GFRA2: variants seen among roughly 807,000 people sequenced by gnomAD.
GFRA2 encodes GDNF family receptor alpha 2, also known as GDNF family receptor alpha-2.
Under a neutral mutation model 48.3 loss-of-function variants are expected in GFRA2, and 17 were observed. That is an observed-to-expected ratio of 0.35 (90% CI 0.24 to 0.53). GFRA2 has a LOEUF of 0.53. GFRA2 is among the 20% of genes least tolerant of loss of function. The probability of loss-of-function intolerance (pLI) is 0.93; values close to 1 mark genes in which losing one functional copy is unlikely to be tolerated. For missense variants in GFRA2, 660 were observed against 637.3 expected, an observed-to-expected ratio of 1.04 and a Z score of -0.38; for synonymous variants, 305 against 257.2, an observed-to-expected ratio of 1.19 and a Z score of -1.78.
intron 2 of GFRA2, among the ~76,000 whole-genome samples, chr8:21,804,397 G>C (rs1807823193): frequency 6.7e-6 from 1 of 149,002 alleles, no homozygotes; most frequent in South Asian, 2.1e-4. Flanking sequence ...TTATAGAAAA[G>C]AGTTTTGTCA....
chr8:21,784,316 C>T, intron 1 of GFRA2: 1 of 456,260 alleles, frequency 2.2e-6, no homozygotes, highest in South Asian at 1.5e-5. Flanking sequence ...CGCACCATGG[C>T]CCAGAGCCAT....
At chr8:21,730,810 G>A (rs574323517) in intron 4 of GFRA2, among the ~76,000 whole-genome samples, 2 of 152,136 alleles carry the variant, frequency 1.3e-5, no homozygotes, top group East Asian at 1.9e-4. Context: ...TCCTCAAATC[G>A]TATCTTCCCT....
At chr8:21,697,494 C>T (rs1392644911) in intron 7 of GFRA2, among the ~76,000 whole-genome samples, 1 of 151,982 alleles carries the variant, frequency 6.6e-6, no homozygotes, top group Non-Finnish European at 1.5e-5. Flanking sequence ...GGGAGTGTTG[C>T]CCAGCAGCTG....
Position 21,788,155 on chromosome 8 carries a change from A to T in GFRA2, c.5T>A (p.Ile2Asn). 1 of 1,603,148 alleles carries T rather than the reference A, an allele frequency of 6.2e-7. No homozygotes were observed. Among genetic ancestry groups the T allele is most frequent in the South Asian group, 1.1e-5 (1 of 89,466 alleles). MILANVFCLFFF... is the reference protein window; with the variant it reads MNLANVFCLFFF... Reference sequence around the variant, plus strand: ...GAAGAGGCAGAAGACGTTTGCCAAGATCATGTTAAATAAATCCCACCGTTT... The same window carrying T: ...GAAGAGGCAGAAGACGTTTGCCAAGTTCATGTTAAATAAATCCCACCGTTT... Residue 2 changes from isoleucine to asparagine, a missense_variant, in exon 1 of 9, where the codon ATC becomes AAC. Transcript: ENST00000524240.
intron 3 of GFRA2, among the ~76,000 whole-genome samples, chr8:21,754,505 C>CGT (rs1554493316): frequency 8.2e-6 from 1 of 121,228 alleles, no homozygotes; most frequent in Non-Finnish European, 1.7e-5. Flanking sequence ...CTTTTTTTTT[C>CGT]TTTTTTTTTT....
intron 1 of GFRA2, among the ~76,000 whole-genome samples, chr8:21,811,260 GCAT>G (rs1807975651): frequency 6.6e-6 from 1 of 152,126 alleles, no homozygotes; most frequent in African/African-American, 2.4e-5. Context: ...TCCCGGTGAG[GCAT>G]CCTCACAGCG....
chr8:21,788,569 G>A lies in GFRA2; in HGVS notation c.-410C>T. 1 of 1,006,780 alleles carries A rather than the reference G, an allele frequency of 9.9e-7. No homozygotes were observed. The highest frequency in any genetic ancestry group is 1.2e-6 in the Non-Finnish European group (1 of 844,708). 62.4% of individuals were successfully genotyped at this position (1,006,780 alleles called of 1,614,324 possible). On this transcript the variant is annotated 5_prime_UTR_variant, in exon 1 of 9. Transcript: ENST00000524240. Reference sequence around the variant, plus strand: ...GGAGAGAGGCGATTTGCGAGTGAAGGGCTGGAAGGAAGCGGCGAGGGAGGG... The same window carrying A: ...GGAGAGAGGCGATTTGCGAGTGAAGAGCTGGAAGGAAGCGGCGAGGGAGGG...
intron 7 of GFRA2, among the ~76,000 whole-genome samples, chr8:21,698,579 C>T (rs1383216941): frequency 2.6e-5 from 4 of 152,146 alleles, no homozygotes; most frequent in Admixed American, 1.3e-4. Flanking sequence ...TGGCCCCGCC[C>T]CTAAATCTCA....
chr8:21,775,072 G>A lies in GFRA2; in HGVS notation c.356-17C>T. On this transcript the variant is annotated splice_polypyrimidine_tract_variant and intron_variant, in intron 2 of 8. Coordinates refer to ENST00000524240, the MANE Select transcript of GFRA2 (RefSeq NM_001495.5). ...ACTCCTCACCTGGAAGACAGAACAG[G>A]CATCAGATGCGGGCTCCTCCGGGCC... 5.1e-6 allele frequency: 7 copies of A among 1,382,430 alleles called. No homozygotes were observed. Among genetic ancestry groups the A allele is most frequent in the South Asian group, 1.2e-5 (1 of 86,184 alleles). The allele number at this position is 1,382,430 out of a possible 1,614,324, so 85.6% of individuals were successfully genotyped here. A position where few individuals can be genotyped will look rare whatever the true frequency, so the allele number is the denominator to read the frequency against.
chr8:21,712,446 G>C (rs1381769879), intron 4 of GFRA2, among the ~76,000 whole-genome samples: 1 of 151,842 alleles, frequency 6.6e-6, no homozygotes, highest in Non-Finnish European at 1.5e-5. Context: ...TCCTAGATGG[G>C]ATGGTGGCCG....
intron 3 of GFRA2, among the ~76,000 whole-genome samples, chr8:21,766,833 C>T (rs551598106): frequency 0.39 from 115 of 296 alleles, 4 homozygotes; most frequent in Non-Finnish European, 0.17. Flanking sequence ...CCACACACCT[C>T]ATGCACATCA....
intron 4 of GFRA2, among the ~76,000 whole-genome samples, chr8:21,748,136 C>T (rs1354580611): frequency 6.6e-6 from 1 of 152,152 alleles, no homozygotes; most frequent in African/African-American, 2.4e-5. Context: ...TAATCACCAG[C>T]AAAGTACTCA....
chr8:21,781,273 G>T (rs185104166), intron 2 of GFRA2, among the ~76,000 whole-genome samples: 1 of 151,990 alleles, frequency 6.6e-6, no homozygotes, highest in East Asian at 1.9e-4. Flanking sequence ...TCTGATCATC[G>T]CCCTTAAAAC....
intron 3 of GFRA2, among the ~76,000 whole-genome samples, chr8:21,773,513 G>A (rs777573719): frequency 1.3e-3 from 195 of 152,320 alleles, no homozygotes; most frequent in Non-Finnish European, 2.3e-3. Flanking sequence ...CGGGAAGGAC[G>A]GGCGTCACCT....
chr8:21,749,807 A>T (rs116725913), intron 4 of GFRA2, among the ~76,000 whole-genome samples: 1,605 of 151,764 alleles, frequency 0.011, 39 homozygotes, highest in African/African-American at 0.037. Context: ...TTAGCTATGT[A>T]ACCTTGAGCA....
intron 3 of GFRA2, among the ~76,000 whole-genome samples, chr8:21,774,513 T>TG (rs1324185067): frequency 6.6e-6 from 1 of 152,166 alleles, no homozygotes; most frequent in Non-Finnish European, 1.5e-5. Context: ...TGATGCGGCG[T>TG]GCTGAGCACT....
chr8:21,786,977 G>A (rs954151056), intron 1 of GFRA2, among the ~76,000 whole-genome samples: 2 of 151,952 alleles, frequency 1.3e-5, no homozygotes, highest in Non-Finnish European at 2.9e-5. Flanking sequence ...GCAGACGTGT[G>A]CTCCTTACAA....
intron 5 of GFRA2, 81 bp from the exon 6 acceptor site, chr8:21,705,206 A>G: frequency 1.4e-6 from 2 of 1,427,034 alleles, no homozygotes; most frequent in South Asian, 1.4e-5. Context: ...CCCCAGGCAC[A>G]GCAGGGCAGA....
Position 21,782,660 on chromosome 8 carries a change from G to A in GFRA2, c.280C>T (p.Arg94Cys), listed in dbSNP as rs1457912175. 5.7e-6 allele frequency: 9 copies of A among 1,585,948 alleles called. No homozygotes were observed. The highest frequency in any genetic ancestry group is 4.6e-5 in the South Asian group (4 of 86,812). Residue 94 changes from arginine (R) to cysteine (C), a missense_variant, in exon 2 of 9, where the codon CGC becomes TGC. By Grantham distance (180) the Arg-to-Cys change is radical. Coordinates refer to ENST00000524240, the MANE Select transcript of GFRA2 (RefSeq NM_001495.5). ...TCCTTCTTCATGCCCCGCTTGCAGC[G>A]GCAGTCGTACAGCGGGCTCTCCTGC... Reference protein sequence around the residue: ...VLQESPLYDCRCKRGMKKELQ... With the variant: ...VLQESPLYDCCCKRGMKKELQ...
Sources: allele counts gnomAD v4.1 joint callset (sites outside exome capture counted in the v4.1 genomes callset), GRCh38; gene constraint gnomAD v4.1.1; transcripts MANE v1.5; gene names NCBI Gene and HGNC (gene_info 2026-07-23, HGNC 2026-07-21).